The following CATSPERT variants were observed in gnomAD, a reference collection of about 807,000 sequenced individuals.
The protein encoded by CATSPERT is catsper channel auxiliary subunit tau.
chr2:201,488,179 C>T, the CATSPERT span, among the ~76,000 whole-genome samples: 7 of 152,114 alleles, frequency 4.6e-5, no homozygotes, highest in African/African-American at 1.2e-4. Flanking sequence ...ACAAAGTATC[C>T]GTTATTTCAA....
At chr2:201,515,034 GT>G in the CATSPERT span, among the ~76,000 whole-genome samples, 48 of 152,106 alleles carry the variant, frequency 3.2e-4, no homozygotes, top group Middle Eastern at 3.4e-3. Flanking sequence ...AGCAAGGCCT[GT>G]TGGTTTAGGC....
chr2:201,601,887 GAAAAT>G, the CATSPERT span: 1 of 1,569,080 alleles, frequency 6.4e-7, no homozygotes, highest in Non-Finnish European at 8.7e-7. Flanking sequence ...TAAACTGACT[GAAAAT>G]AGAATGATAT....
At chr2:201,566,995 T>A in the CATSPERT span, among the ~76,000 whole-genome samples, 5 of 152,212 alleles carry the variant, frequency 3.3e-5, no homozygotes, top group Admixed American at 3.3e-4. Context: ...CCCAAGGTCT[T>A]ACAGCTGGTA....
At chr2:201,542,769 A>G in the CATSPERT span, among the ~76,000 whole-genome samples, 2 of 152,156 alleles carry the variant, frequency 1.3e-5, no homozygotes, top group Admixed American at 6.5e-5. Flanking sequence ...TTTAACAAAT[A>G]TATGGTTTAC....
the CATSPERT span, among the ~76,000 whole-genome samples, chr2:201,616,420 C>T: frequency 1.9e-3 from 290 of 152,284 alleles, 1 homozygote; most frequent in African/African-American, 6.5e-3. Flanking sequence ...AATCAATAAA[C>T]ATAATCCAGC....
At chr2:201,562,886 A>T in the CATSPERT span, among the ~76,000 whole-genome samples, 3 of 145,460 alleles carry the variant, frequency 2.1e-5, no homozygotes, top group Admixed American at 6.9e-5. Flanking sequence ...TTAGTACAGA[A>T]CAAAATGAAA....
At chr2:201,493,762 A>G in the CATSPERT span, 1 of 1,537,158 alleles carries the variant, frequency 6.5e-7, no homozygotes, top group Non-Finnish European at 8.7e-7. Flanking sequence ...GTAGTCATGT[A>G]CAGTGCCACT....
At chr2:201,490,575 C>T in the CATSPERT span, among the ~76,000 whole-genome samples, 1 of 152,130 alleles carries the variant, frequency 6.6e-6, no homozygotes, top group Non-Finnish European at 1.5e-5. Context: ...GAAGAGGGCA[C>T]CTTTTTCTAA....
At chr2:201,565,602 C>A in the CATSPERT span, 4 of 937,718 alleles carry the variant, frequency 4.3e-6, no homozygotes, top group Non-Finnish European at 5.8e-6. Flanking sequence ...AACAACGGCA[C>A]CATAATGAAA....
the CATSPERT span, among the ~76,000 whole-genome samples, chr2:201,565,184 A>G: frequency 6.6e-6 from 1 of 152,110 alleles, no homozygotes; most frequent in Non-Finnish European, 1.5e-5. Flanking sequence ...ATCCCTCATA[A>G]ATGAGTTTTC....
the CATSPERT span, among the ~76,000 whole-genome samples, chr2:201,612,716 T>C: frequency 6.6e-6 from 1 of 151,964 alleles, no homozygotes; most frequent in South Asian, 2.1e-4. Context: ...CTGGGGCTTG[T>C]CAGACAGTGG....
the CATSPERT span, among the ~76,000 whole-genome samples, chr2:201,607,667 A>G: frequency 6.6e-6 from 1 of 152,178 alleles, no homozygotes; most frequent in Non-Finnish European, 1.5e-5. Context: ...CAAAATTAAT[A>G]TAAAGAAAGC....
At chr2:201,529,675 C>T in the CATSPERT span, among the ~76,000 whole-genome samples, 1 of 152,106 alleles carries the variant, frequency 6.6e-6, no homozygotes, top group African/African-American at 2.4e-5. Flanking sequence ...AAGGGAAAAT[C>T]TCCACAATAC....
chr2:201,617,855 T>C, the CATSPERT span, among the ~76,000 whole-genome samples: 1 of 151,886 alleles, frequency 6.6e-6, no homozygotes, highest in East Asian at 1.9e-4. Context: ...CTGAAACAAA[T>C]TTACAAGAAA....
the CATSPERT span, chr2:201,571,982 A>C: frequency 6.2e-7 from 1 of 1,613,350 alleles, no homozygotes; most frequent in Non-Finnish European, 8.5e-7. Flanking sequence ...CAAGATTCAT[A>C]AACATGGATG....
At chr2:201,506,172 C>T in the CATSPERT span, among the ~76,000 whole-genome samples, 1 of 152,148 alleles carries the variant, frequency 6.6e-6, no homozygotes, top group African/African-American at 2.4e-5. Context: ...GAGGCTGAGG[C>T]AGGAGAATGG....
the CATSPERT span, among the ~76,000 whole-genome samples, chr2:201,577,187 A>C: frequency 6.6e-6 from 1 of 152,318 alleles, no homozygotes; most frequent in Middle Eastern, 3.4e-3. Context: ...AATGAACTTC[A>C]TGTTTAGACT....
chr2:201,499,245 G>A, the CATSPERT span, among the ~76,000 whole-genome samples: 1 of 152,184 alleles, frequency 6.6e-6, no homozygotes, highest in Non-Finnish European at 1.5e-5. Flanking sequence ...ACAAATGTAG[G>A]AGGAGGGTGA....
chr2:201,584,193 G>A, the CATSPERT span, among the ~76,000 whole-genome samples: 1 of 152,136 alleles, frequency 6.6e-6, no homozygotes, highest in African/African-American at 2.4e-5. Flanking sequence ...AAGAGGCTGA[G>A]ATAGGAGGAT....
Sources: allele counts gnomAD v4.1 joint callset (sites outside exome capture counted in the v4.1 genomes callset), GRCh38; gene constraint gnomAD v4.1.1; transcripts MANE v1.5; gene names NCBI Gene and HGNC (gene_info 2026-07-23, HGNC 2026-07-21).